ICA1: variants seen among roughly 807,000 people sequenced by gnomAD.
ICA1 encodes islet cell autoantigen 1.
A neutral mutation model predicts 71.0 loss-of-function variants in ICA1; 40 were observed. That is an observed-to-expected ratio of 0.56 (90% CI 0.44 to 0.73). The LOEUF is 0.73. Ranked by LOEUF, ICA1 falls within the 30% of genes least tolerant of loss-of-function variation. ICA1 has a pLI of 0.00. For synonymous variants in ICA1, 207 were observed against 209.5 expected, an observed-to-expected ratio of 0.99 and a Z score of 0.10; for missense variants, 578 against 576.5, an observed-to-expected ratio of 1.00 and a Z score of -0.03.
chr7:8,254,779 C>T (rs934074160), intron 1 of ICA1, among the ~76,000 whole-genome samples: 2 of 151,948 alleles, frequency 1.3e-5, no homozygotes, highest in African/African-American at 4.8e-5. Flanking sequence ...TTAGCACAAA[C>T]ACAACACAAT....
intron 6 of ICA1, among the ~76,000 whole-genome samples, chr7:8,182,904 C>G (rs150425133): frequency 0.012 from 1,836 of 152,128 alleles, 11 homozygotes; most frequent in Middle Eastern, 0.017. Flanking sequence ...ATGATATATC[C>G]CTGAAGTTGC....
At chr7:8,128,290 G>T in intron 12 of ICA1, 148 bp from the exon 13 acceptor site, 1 of 806,708 alleles carries the variant, frequency 1.2e-6, no homozygotes, top group Non-Finnish European at 1.9e-6. Context: ...TATTATTATA[G>T]CCTCTCTTAA....
intron 6 of ICA1, among the ~76,000 whole-genome samples, chr7:8,182,537 A>C (rs1302959163): frequency 6.6e-6 from 1 of 152,206 alleles, no homozygotes; most frequent in Non-Finnish European, 1.5e-5. Context: ...GGGATGTTCC[A>C]AAGTGGAATG....
At chr7:8,180,027 G>C (rs1190725108) in intron 6 of ICA1, among the ~76,000 whole-genome samples, 1 of 151,478 alleles carries the variant, frequency 6.6e-6, no homozygotes, top group Non-Finnish European at 1.5e-5. Context: ...TTTTGTTGTT[G>C]TTGTTGTTAA....
chr7:8,150,567 C>A (rs755163023), intron 8 of ICA1, among the ~76,000 whole-genome samples: 1 of 152,158 alleles, frequency 6.6e-6, no homozygotes, highest in Non-Finnish European at 1.5e-5. Context: ...TATTTGAATC[C>A]GGGTCTTAAA....
intron 8 of ICA1, among the ~76,000 whole-genome samples, chr7:8,153,054 A>G (rs911140472): frequency 1.3e-5 from 2 of 152,210 alleles, no homozygotes; most frequent in African/African-American, 2.4e-5. Flanking sequence ...CATCACCAGC[A>G]TCACCAACAC....
chr7:8,202,770 T>C lies in ICA1; in HGVS notation c.579+15535A>G, dbSNP rs562189739. On this transcript the variant is annotated intron_variant, in intron 6 of 13. Transcript: ENST00000402384. ...ATGTTAGCTGTAACAAACTGCAGAG[T>C]AAAATGATGGAGGCATCTGTAGGAC... 7.9e-5 allele frequency among the ~76,000 whole-genome samples: 12 copies of C among 152,208 alleles called. No homozygotes were observed. In the East Asian group the frequency reaches 1.9e-3, roughly 24 times the overall value.
chr7:8,145,764 A>ATATATATATATATATATATATATG lies in ICA1; in HGVS notation c.805-1793_805-1792insCATATATATATATATATATATATA, dbSNP rs55971486. On this transcript the variant is annotated intron_variant, in intron 8 of 13. Coordinates refer to ENST00000402384, the MANE Select transcript of ICA1 (RefSeq NM_001136020.3). Reference sequence around the variant, plus strand: ...AATCATTGTGTATATATATATATATATATGTATATAAAATATATAGAGAGA... The same window carrying ATATATATATATATATATATATATG: ...AATCATTGTGTATATATATATATATATATATATATATATATATATATATGTATGTATATAAAATATATAGAGAGA... Among the ~76,000 whole-genome samples the ATATATATATATATATATATATATG allele has an allele frequency of 1.9e-3, 258 of 136,242 alleles. 14 individuals are homozygous for ATATATATATATATATATATATATG. The South Asian group carries it at 0.02, about 11-fold the overall frequency. The allele number at this position is 136,242 out of a possible 152,430, so 89.4% of individuals were successfully genotyped here. A position where few individuals can be genotyped will look rare whatever the true frequency, so the allele number is the denominator to read the frequency against.
chr7:8,215,026 C>G (rs1424896568), intron 6 of ICA1, among the ~76,000 whole-genome samples: 1 of 152,102 alleles, frequency 6.6e-6, no homozygotes, highest in Non-Finnish European at 1.5e-5. Flanking sequence ...TATGTCTCAT[C>G]CGGGTTTGTG....
intron 1 of ICA1, among the ~76,000 whole-genome samples, chr7:8,242,402 A>G (rs997309148): frequency 3.3e-5 from 5 of 152,378 alleles, no homozygotes; most frequent in Admixed American, 1.3e-4. Flanking sequence ...AATCTCTGGG[A>G]CACATTTAAA....
chr7:8,151,039 G>A (rs1275720482), intron 8 of ICA1, among the ~76,000 whole-genome samples: 1 of 152,194 alleles, frequency 6.6e-6, no homozygotes, highest in Non-Finnish European at 1.5e-5. Context: ...TTATTTTGAG[G>A]GTTAAAGGAA....
chr7:8,160,397 T>C (rs1178439377), intron 6 of ICA1, among the ~76,000 whole-genome samples: 1 of 152,190 alleles, frequency 6.6e-6, no homozygotes, highest in African/African-American at 2.4e-5. Flanking sequence ...CTGATGAGGA[T>C]TGCGAGGCTT....
At chr7:8,184,180 CTAGT>C (rs1783161187) in intron 6 of ICA1, among the ~76,000 whole-genome samples, 1 of 152,160 alleles carries the variant, frequency 6.6e-6, no homozygotes, top group African/African-American at 2.4e-5. Context: ...AATGTGGTGC[CTAGT>C]CAAACAGAAA....
intron 8 of ICA1, among the ~76,000 whole-genome samples, chr7:8,152,810 C>A (rs1799836308): frequency 2.6e-5 from 4 of 151,146 alleles, no homozygotes; most frequent in Non-Finnish European, 4.4e-5. Flanking sequence ...CCACCACCAC[C>A]ACCATCTCCT....
chr7:8,218,514 G>C lies in ICA1; in HGVS notation c.381-11C>G, dbSNP rs371926553. 35 of 1,612,962 alleles carry C rather than the reference G, an allele frequency of 2.2e-5. No homozygotes were observed. In the African/African-American group the frequency reaches 4.1e-4, roughly 19 times the overall value. On this transcript the variant is annotated splice_polypyrimidine_tract_variant and intron_variant, in intron 5 of 13. Coordinates refer to ENST00000402384, the MANE Select transcript of ICA1 (RefSeq NM_001136020.3). ...TTTCGTAAGGCCAACCTAGACAAGA[G>C]GACAAAGCCACACTCTCAAAACTAA...
intron 3 of ICA1, among the ~76,000 whole-genome samples, 179 bp downstream of exon 3, chr7:8,232,411 T>C (rs999663679): frequency 6.6e-6 from 1 of 152,148 alleles, no homozygotes; most frequent in African/African-American, 2.4e-5. Context: ...AACTGAGGCA[T>C]GGTGGTTATG....
rs1031834161 is a variant in ICA1, at chr7:8,232,484, C to A, written c.183+106G>T. 7.2e-6 allele frequency: 7 copies of A among 970,528 alleles called. No individual in the cohort carries two copies. In the Middle Eastern group the frequency reaches 1.8e-3, roughly 250 times the overall value. 60.1% of individuals were successfully genotyped at this position (970,528 alleles called of 1,614,324 possible). On this transcript the variant is annotated intron_variant, in intron 3 of 13. Transcript: ENST00000402384. The stretch of plus-strand genomic sequence containing the variant: ...AGTTTACCTAATCCTAGATTTTCCT[C>A]ATTTTCAAATACAAAGCACACCCAG...
At chr7:8,122,647 G>C (rs1304013513) in intron 13 of ICA1, among the ~76,000 whole-genome samples, 1 of 152,208 alleles carries the variant, frequency 6.6e-6, no homozygotes, top group African/African-American at 2.4e-5. Flanking sequence ...CCTGGAGCCA[G>C]GCTAAGCCAG....
At chr7:8,242,899 G>A (rs1374981661) in intron 1 of ICA1, among the ~76,000 whole-genome samples, 1 of 152,092 alleles carries the variant, frequency 6.6e-6, no homozygotes, top group Non-Finnish European at 1.5e-5. Context: ...ACCAATAACA[G>A]GCTCTGAAAT....
Sources: allele counts gnomAD v4.1 joint callset (sites outside exome capture counted in the v4.1 genomes callset), GRCh38; gene constraint gnomAD v4.1.1; transcripts MANE v1.5; gene names NCBI Gene and HGNC (gene_info 2026-07-23, HGNC 2026-07-21).